The following TNFAIP8 variants were observed in gnomAD, a reference collection of about 807,000 sequenced individuals.
The protein encoded by TNFAIP8 is TNF alpha induced protein 8.
TNFAIP8 carries 7 observed loss-of-function variants against 13.3 expected under a neutral mutation model. The ratio of observed to expected loss-of-function variants is 0.52; its 90% CI spans 0.30 to 0.99. The LOEUF is 0.99. TNFAIP8 is among the 50% of genes least tolerant of loss of function. The pLI is 0.07. For synonymous variants in TNFAIP8, 94 were observed against 87.6 expected (o/e 1.07, Z -0.41); for missense variants, 258 against 236.9 (o/e 1.09, Z -0.58).
intron 1 of TNFAIP8, among the ~76,000 whole-genome samples, chr5:119,301,779 G>A (rs1210034870): frequency 6.6e-6 from 1 of 152,194 alleles, no homozygotes; most frequent in African/African-American, 2.4e-5. Flanking sequence ...GCACATATTT[G>A]TAGTGGACCA....
rs562911441 is a variant in TNFAIP8 at position 119,324,974 on chromosome 5, C to T, written c.1+56067C>T. Among the ~76,000 whole-genome samples the T allele has an allele frequency of 2.6e-5, 4 of 152,260 alleles. No homozygotes were observed. In the South Asian group the frequency reaches 6.2e-4, roughly 24 times the overall value. ...ACTGGCCAGCCGCAGTGGCTCACACCTGTAATCCTAGCCCTTTGGGAGGCT... is the reference window on the plus strand; with the variant it reads ...ACTGGCCAGCCGCAGTGGCTCACACTTGTAATCCTAGCCCTTTGGGAGGCT... On this transcript the variant is annotated intron_variant, in intron 1 of 1. Coordinates refer to the TNFAIP8 transcript ENST00000274456.
chr5:119,321,463 T>C (rs73235258), intron 1 of TNFAIP8, among the ~76,000 whole-genome samples: 4,196 of 152,240 alleles, frequency 0.028, 198 homozygotes, highest in African/African-American at 0.095. Context: ...CCAGATGTGA[T>C]TATTCTGTTG....
chr5:119,384,037 A>G (rs1274011336), intron 1 of TNFAIP8, among the ~76,000 whole-genome samples: 1 of 152,204 alleles, frequency 6.6e-6, no homozygotes, highest in East Asian at 1.9e-4. Context: ...TTATAGTGTA[A>G]CAGCTTGGAG....
upstream of TNFAIP8, chr5:119,355,896 T>G (rs917779102): frequency 2.4e-6 from 3 of 1,229,090 alleles, no homozygotes; most frequent in Admixed American, 6.9e-5. Flanking sequence ...GACACGCGAT[T>G]CGTCACTCTT....
chr5:119,361,705 T>C (rs903194030), intron 1 of TNFAIP8, among the ~76,000 whole-genome samples: 1 of 152,226 alleles, frequency 6.6e-6, no homozygotes. Flanking sequence ...TCCTTCCAGT[T>C]TGACCTGCCA....
At chr5:119,277,891 G>A (rs952944706) in intron 1 of TNFAIP8, among the ~76,000 whole-genome samples, 4 of 152,068 alleles carry the variant, frequency 2.6e-5, no homozygotes, top group African/African-American at 9.7e-5. Context: ...AAAAGGCACT[G>A]GGGTACACCT....
chr5:119,281,493 T>G (rs1396334173), intron 1 of TNFAIP8, among the ~76,000 whole-genome samples: 3 of 152,204 alleles, frequency 2.0e-5, no homozygotes, highest in African/African-American at 7.2e-5. Context: ...ACAAGGGAAA[T>G]AGACTATTGT....
intron 1 of TNFAIP8, among the ~76,000 whole-genome samples, chr5:119,350,316 T>C (rs929436165): frequency 6.6e-6 from 1 of 152,238 alleles, no homozygotes; most frequent in Non-Finnish European, 1.5e-5. Context: ...TTAGGAATTA[T>C]AAGCAATCTA....
intron 1 of TNFAIP8, among the ~76,000 whole-genome samples, chr5:119,321,795 G>A (rs926901846): frequency 7.9e-5 from 12 of 152,084 alleles, no homozygotes; most frequent in Admixed American, 3.3e-4. Context: ...TGGTCTTATC[G>A]CTGATCACAG....
chr5:119,387,388 A>G (rs958829296), intron 1 of TNFAIP8, among the ~76,000 whole-genome samples: 1 of 152,212 alleles, frequency 6.6e-6, no homozygotes, highest in African/African-American at 2.4e-5. Flanking sequence ...GGAAACCTGG[A>G]TCGAGTTTTA....
upstream of TNFAIP8, among the ~76,000 whole-genome samples, chr5:119,353,281 C>CCTTT (rs1751245394): frequency 6.6e-6 from 1 of 152,174 alleles, no homozygotes; most frequent in African/African-American, 2.4e-5. Context: ...TAAATTATCC[C>CCTTT]CTTTTGAATA....
chr5:119,295,410 T>G (rs1478723636), intron 1 of TNFAIP8, among the ~76,000 whole-genome samples: 1 of 151,932 alleles, frequency 6.6e-6, no homozygotes, highest in East Asian at 1.9e-4. Context: ...TGCTTGTTTA[T>G]CTCAGGTTTG....
chr5:119,362,510 T>G (rs1751673027), intron 1 of TNFAIP8, among the ~76,000 whole-genome samples: 1 of 152,078 alleles, frequency 6.6e-6, no homozygotes, highest in South Asian at 2.1e-4. Context: ...ATTGGAAAAA[T>G]TAAGGCTAGG....
At chr5:119,330,932 C>A (rs72786142) in intron 1 of TNFAIP8, among the ~76,000 whole-genome samples, 12,808 of 152,018 alleles carry the variant, frequency 0.084, 603 homozygotes, top group African/African-American at 0.13. Context: ...CCCTGCGCTT[C>A]TGCTGCAGAG....
At chr5:119,306,040 A>G (rs902823375) in intron 1 of TNFAIP8, among the ~76,000 whole-genome samples, 2 of 152,162 alleles carry the variant, frequency 1.3e-5, no homozygotes, top group Non-Finnish European at 2.9e-5. Context: ...ACCACCTCCC[A>G]GATAAGGAGA....
intron 1 of TNFAIP8, among the ~76,000 whole-genome samples, chr5:119,374,935 T>G (rs908045341): frequency 1.3e-5 from 2 of 152,208 alleles, no homozygotes; most frequent in African/African-American, 2.4e-5. Flanking sequence ...TTGGGGGTGA[T>G]GGACATGTCC....
chr5:119,327,585 A>G (rs1750259974), intron 1 of TNFAIP8, among the ~76,000 whole-genome samples: 1 of 152,084 alleles, frequency 6.6e-6, no homozygotes, highest in Non-Finnish European at 1.5e-5. Flanking sequence ...TAGTCTCCCA[A>G]GTAGCTGGGA....
intron 1 of TNFAIP8, among the ~76,000 whole-genome samples, chr5:119,316,569 A>AT (rs1749902329): frequency 6.6e-6 from 1 of 152,176 alleles, no homozygotes; most frequent in Non-Finnish European, 1.5e-5. Context: ...AATTGATTAA[A>AT]TGACTTACTT....
At chr5:119,325,787 T>C (rs917089425) in intron 1 of TNFAIP8, among the ~76,000 whole-genome samples, 5 of 152,148 alleles carry the variant, frequency 3.3e-5, no homozygotes, top group Admixed American at 1.3e-4. Context: ...CTTGCTTCCG[T>C]CACTGTAGCC....
Sources: allele counts gnomAD v4.1 joint callset (sites outside exome capture counted in the v4.1 genomes callset), GRCh38; gene constraint gnomAD v4.1.1; transcripts MANE v1.5; gene names NCBI Gene and HGNC (gene_info 2026-07-23, HGNC 2026-07-21).